Variants in TCAIM observed in about 807,000 individuals in gnomAD.
The protein encoded by TCAIM is T cell activation inhibitor, mitochondrial.
TCAIM carries 36 observed loss-of-function variants against 58.6 expected under a neutral mutation model. The ratio of observed to expected loss-of-function variants is 0.61; its 90% CI spans 0.47 to 0.81. The LOEUF (loss-of-function observed/expected upper bound fraction) is 0.81, where lower values mean the gene tolerates loss of function less well. Among genes scored for constraint, TCAIM ranks in the 30% least tolerant of loss-of-function variants. The pLI is 0.00. For synonymous variants in TCAIM, 172 were observed against 193.6 expected (o/e 0.89, Z 0.93); for missense variants, 466 against 579.6 (o/e 0.80, Z 2.01).
At chr3:44,396,266 C>A in intron 6 of TCAIM, 134 bp from the exon 7 acceptor site, 1 of 629,638 alleles carries the variant, frequency 1.6e-6, no homozygotes, top group Non-Finnish European at 2.6e-6. Flanking sequence ...AACATATGAT[C>A]AATCAAAACA....
chr3:44,401,236 G>T lies in TCAIM; in HGVS notation c.1152G>T (p.Gly384=), dbSNP rs746932640. The T allele has an allele frequency of 7.4e-6, 12 of 1,613,984 alleles. No individual in the cohort carries two copies. The highest frequency in any genetic ancestry group is 1.0e-5 in the Non-Finnish European group (12 of 1,179,968). The change falls in exon 10 of 11, where the codon GGG becomes GGT. Residue 384 remains glycine, a synonymous_variant. Coordinates refer to ENST00000342649, the MANE Select transcript of TCAIM (RefSeq NM_173826.4). ...ATGCTCCAAGCTTGCATGAACTCGG[G>T]CATTTTAATATTCCAACACTCTGTG... is the stretch of plus-strand genomic sequence containing the variant. ...DRYAPSLHEL[G]HFNIPTLCDP...
At chr3:44,382,739 T>G (rs1266594109) in intron 5 of TCAIM, among the ~76,000 whole-genome samples, 2 of 152,132 alleles carry the variant, frequency 1.3e-5, no homozygotes, top group Admixed American at 6.5e-5. Context: ...AATAGACAAA[T>G]TGGATTTCAT....
At chr3:44,385,483 T>C (rs1701723997) in intron 5 of TCAIM, among the ~76,000 whole-genome samples, 1 of 152,222 alleles carries the variant, frequency 6.6e-6, no homozygotes, top group African/African-American at 2.4e-5. Flanking sequence ...GGCTCATGCC[T>C]GTAATCCCAG....
chr3:44,373,182 G>T (rs1417423929), intron 5 of TCAIM, among the ~76,000 whole-genome samples: 2 of 151,730 alleles, frequency 1.3e-5, no homozygotes, highest in African/African-American at 2.4e-5. Context: ...GACTGGAGGA[G>T]TTTTTTAAAA....
At chr3:44,369,254 G>A (rs929451452) in intron 5 of TCAIM, among the ~76,000 whole-genome samples, 3 of 152,172 alleles carry the variant, frequency 2.0e-5, no homozygotes, top group Non-Finnish European at 4.4e-5. Flanking sequence ...ACCCGCGGGA[G>A]AATATTGTTG....
chr3:44,383,929 A>G (rs1372517169), intron 5 of TCAIM, among the ~76,000 whole-genome samples: 1 of 152,126 alleles, frequency 6.6e-6, no homozygotes. Flanking sequence ...AAAAGAAAAA[A>G]ATAAGGTTAG....
chr3:44,339,391 C>G lies in TCAIM; in HGVS notation c.-45+557C>G, dbSNP rs574680815. Among the ~76,000 whole-genome samples, 55 of 152,228 alleles carry G rather than the reference C, an allele frequency of 3.6e-4. 1 individual carries two copies. The South Asian group carries it at 0.011, about 32-fold the overall frequency. ...AAAGTTGTGCCAAATGGTCAAAGCT[C>G]AATCCTGAGAGCTCTATTTGGCACA... On this transcript the variant is annotated intron_variant, in intron 1 of 10. Coordinates refer to ENST00000342649, the MANE Select transcript of TCAIM (RefSeq NM_173826.4).
chr3:44,363,961 A>C (rs1701331208), intron 4 of TCAIM, among the ~76,000 whole-genome samples: 1 of 113,792 alleles, frequency 8.8e-6, no homozygotes, highest in Non-Finnish European at 1.6e-5. Flanking sequence ...ACGGAGTCTC[A>C]CTCTGTTGCC....
Position 44,392,915 on chromosome 3 carries a change from T to G in TCAIM, c.633T>G (p.Leu211=). The change falls in exon 6 of 11, where the codon CTT becomes CTG. Residue 211 remains leucine, a synonymous_variant. Transcript: ENST00000342649. ...AVKKLKNSLP[L]RKELDRLKDE... ...AAAAGCTAAAGAACAGTTTGCCACT[T>G]AGAAAAGAACTAGATCGTTTAAAAG... 6.2e-7 allele frequency: 1 copy of G among 1,613,556 alleles called. No homozygotes were observed. Among genetic ancestry groups the G allele is most frequent in the South Asian group, 1.1e-5 (1 of 91,052 alleles).
At chr3:44,377,005 G>A (rs538090188) in intron 5 of TCAIM, among the ~76,000 whole-genome samples, 15 of 152,254 alleles carry the variant, frequency 9.9e-5, no homozygotes, top group East Asian at 3.9e-4. Flanking sequence ...CAGGAGAATC[G>A]CTTGAACCTG....
intron 8 of TCAIM, among the ~76,000 whole-genome samples, chr3:44,398,523 A>C (rs1326660732): frequency 6.6e-6 from 1 of 152,136 alleles, no homozygotes; most frequent in Non-Finnish European, 1.5e-5. Flanking sequence ...TTATCACTAC[A>C]CACCAGGACG....
chr3:44,339,115 A>G (rs1161989610), intron 1 of TCAIM, among the ~76,000 whole-genome samples: 1 of 152,102 alleles, frequency 6.6e-6, no homozygotes, highest in Non-Finnish European at 1.5e-5. Context: ...AGCGAGATTT[A>G]GAAAAGGAAG....
chr3:44,372,032 AGG>A (rs1414300153), intron 5 of TCAIM, among the ~76,000 whole-genome samples: 3 of 144,128 alleles, frequency 2.1e-5, no homozygotes, highest in African/African-American at 7.7e-5. Flanking sequence ...GAAGGAAGGA[AGG>A]AAGGAAGGAA....
At position 44,408,282 on chromosome 3, in the gene TCAIM, T is replaced by C. The variant is rs1702131387; in HGVS notation, c.*600T>C. On this transcript the variant is annotated 3_prime_UTR_variant, in exon 11 of 11. Coordinates refer to ENST00000342649, the MANE Select transcript of TCAIM (RefSeq NM_173826.4). The stretch of plus-strand genomic sequence containing the variant: ...TCATGTCTACAATTCAACATGCATC[T>C]GTATAGTTACATCTCATGTAAATAT... The C allele has an allele frequency of 6.6e-6, 1 of 152,248 alleles. No individual in the cohort carries two copies. Among genetic ancestry groups the C allele is most frequent in the Non-Finnish European group, 1.5e-5 (1 of 68,046 alleles). 9.4% of individuals were successfully genotyped at this position (152,248 alleles called of 1,614,324 possible). A position where few individuals can be genotyped will look rare whatever the true frequency, so the allele number is the denominator to read the frequency against.
In TCAIM at chr3:44,408,755, A is replaced by G. The variant is rs1297755077; in HGVS notation, c.*1073A>G. On this transcript the variant is annotated 3_prime_UTR_variant, in exon 11 of 11. Transcript: ENST00000342649. Reference sequence around the variant, plus strand: ...AACCACGATCTTCCTGTTATTACTGATGTTTGAAACCCTGTCATTAGCCCC... The same window carrying G: ...AACCACGATCTTCCTGTTATTACTGGTGTTTGAAACCCTGTCATTAGCCCC... The G allele has an allele frequency of 1.3e-5, 2 of 152,098 alleles. No individual in the cohort carries two copies. The highest frequency in any genetic ancestry group is 6.6e-5 in the Admixed American group (1 of 15,260). The allele number at this position is 152,098 out of a possible 1,614,324, so 9.4% of individuals were successfully genotyped here.
At chr3:44,368,877 G>T (rs1559569340) in intron 5 of TCAIM, among the ~76,000 whole-genome samples, 1 of 152,110 alleles carries the variant, frequency 6.6e-6, no homozygotes, top group Non-Finnish European at 1.5e-5. Flanking sequence ...CAAAAATTTA[G>T]CCAGGCATGG....
chr3:44,354,812 G>A lies in TCAIM; in HGVS notation c.29+1G>A. 1.2e-6 allele frequency: 2 copies of A among 1,610,992 alleles called. No individual in the cohort carries two copies. The highest frequency in any genetic ancestry group is 1.7e-6 in the Non-Finnish European group (2 of 1,179,290). On this transcript the variant is annotated splice_donor_variant, in intron 2 of 10. Coordinates refer to ENST00000342649, the MANE Select transcript of TCAIM (RefSeq NM_173826.4). LOFTEE classifies it high-confidence loss of function. ...TTTGCCACCTGAGACCTATGAGGAG[G>A]TAAGCATCATGGTCCAATCTGTAAT...
chr3:44,342,411 T>G (rs897080037), intron 1 of TCAIM, among the ~76,000 whole-genome samples: 14 of 152,154 alleles, frequency 9.2e-5, no homozygotes, highest in African/African-American at 3.4e-4. Flanking sequence ...TGAACAAAAT[T>G]TTATAAGAGC....
intron 5 of TCAIM, among the ~76,000 whole-genome samples, chr3:44,373,591 T>C (rs1383826094): frequency 6.6e-6 from 1 of 151,936 alleles, no homozygotes; most frequent in South Asian, 2.1e-4. Context: ...GAGGCAGAGA[T>C]TGCAGTGAAC....
Sources: gnomAD v4.1 joint callset for allele counts (sites outside exome capture counted in the v4.1 genomes callset) on GRCh38, gnomAD v4.1.1 for gene constraint, MANE v1.5 for transcripts, NCBI Gene and HGNC (gene_info 2026-07-23, HGNC 2026-07-21) for gene names.